The following TOP6BL variants were observed in gnomAD, a reference collection of about 807,000 sequenced individuals.
TOP6BL encodes the protein TOP6B like initiator of meiotic double strand breaks.
At chr11:66,791,116 G>C in the TOP6BL span, among the ~76,000 whole-genome samples, 1 of 152,184 alleles carries the variant, frequency 6.6e-6, no homozygotes, top group Non-Finnish European at 1.5e-5. Context: ...CTCAATTGAG[G>C]AGAAAGGTTA....
chr11:66,839,073 G>A, the TOP6BL span: 1 of 455,492 alleles, frequency 2.2e-6, no homozygotes, highest in East Asian at 7.0e-5. Flanking sequence ...GAAAGTGTCA[G>A]TGCGTGGGTT....
At chr11:66,782,173 A>G in the TOP6BL span, among the ~76,000 whole-genome samples, 2 of 152,126 alleles carry the variant, frequency 1.3e-5, no homozygotes, top group Non-Finnish European at 2.9e-5. Context: ...TCTAGAGCAC[A>G]CCTTCATCGA....
At chr11:66,788,404 G>C in the TOP6BL span, 5 of 653,148 alleles carry the variant, frequency 7.7e-6, no homozygotes, top group Admixed American at 1.4e-4. Context: ...TCCCAAACTT[G>C]CCTGTGCAGA....
the TOP6BL span, chr11:66,815,794 AGCT>A: frequency 2.9e-6 from 1 of 349,932 alleles, no homozygotes; most frequent in Non-Finnish European, 5.2e-6. Context: ...TATTGTGTAG[AGCT>A]TCTCAGTAAT....
At chr11:66,768,724 A>T in the TOP6BL span, among the ~76,000 whole-genome samples, 27 of 99,462 alleles carry the variant, frequency 2.7e-4, no homozygotes, top group South Asian at 2.6e-3. Flanking sequence ...TGTTACATTT[A>T]TCTAATTGCA....
the TOP6BL span, among the ~76,000 whole-genome samples, chr11:66,836,354 C>T: frequency 4.6e-5 from 7 of 151,740 alleles, no homozygotes; most frequent in East Asian, 2.0e-4. Flanking sequence ...GACTTACAGG[C>T]GCCCACTACC....
the TOP6BL span, chr11:66,801,263 C>T: frequency 1.5e-6 from 1 of 666,528 alleles, no homozygotes; most frequent in South Asian, 1.9e-5. Flanking sequence ...ATGTTGAAAA[C>T]TGCTATTTTA....
chr11:66,834,680 AT>A, the TOP6BL span, among the ~76,000 whole-genome samples: 1 of 152,058 alleles, frequency 6.6e-6, no homozygotes, highest in Non-Finnish European at 1.5e-5. Flanking sequence ...TTTTGTTTTT[AT>A]TTTTTTAGAA....
chr11:66,783,497 G>GT, the TOP6BL span, among the ~76,000 whole-genome samples: 21 of 151,986 alleles, frequency 1.4e-4, no homozygotes, highest in South Asian at 3.5e-3. Flanking sequence ...TAACTCATGG[G>GT]TTTTTTTTGC....
chr11:66,799,504 G>A, the TOP6BL span, among the ~76,000 whole-genome samples: 5 of 150,744 alleles, frequency 3.3e-5, no homozygotes, highest in African/African-American at 4.9e-5. Context: ...GGGTGGTCAG[G>A]AGTTCAAGAC....
At chr11:66,836,241 G>T in the TOP6BL span, among the ~76,000 whole-genome samples, 6 of 152,038 alleles carry the variant, frequency 3.9e-5, no homozygotes, top group African/African-American at 1.4e-4. Context: ...TGTTGAGACG[G>T]AGTCTCACTC....
chr11:66,748,508 G>A, the TOP6BL span: 8 of 1,538,702 alleles, frequency 5.2e-6, no homozygotes, highest in Non-Finnish European at 6.1e-6. Flanking sequence ...TCTTCATTGT[G>A]TAACAACTAG....
chr11:66,774,805 A>G, the TOP6BL span, among the ~76,000 whole-genome samples: 2 of 148,688 alleles, frequency 1.3e-5, no homozygotes, highest in East Asian at 2.1e-4. Context: ...ACTCTTGGCT[A>G]TGAGTTTTAT....
the TOP6BL span, among the ~76,000 whole-genome samples, chr11:66,805,783 A>G: frequency 6.6e-6 from 1 of 152,258 alleles, no homozygotes; most frequent in Admixed American, 6.5e-5. Context: ...GAGTAATGAA[A>G]GTGTTCTAAA....
the TOP6BL span, among the ~76,000 whole-genome samples, chr11:66,809,333 AGT>A: frequency 1.3e-5 from 2 of 152,246 alleles, no homozygotes; most frequent in African/African-American, 4.8e-5. Flanking sequence ...TTAGACTAAT[AGT>A]GTTAATGTCT....
the TOP6BL span, among the ~76,000 whole-genome samples, chr11:66,824,461 T>C: frequency 3.8e-5 from 5 of 130,856 alleles, no homozygotes; most frequent in Non-Finnish European, 6.6e-5. Context: ...TTATTATTAT[T>C]ATACTTTAAG....
the TOP6BL span, among the ~76,000 whole-genome samples, chr11:66,799,359 C>A: frequency 2.1e-5 from 3 of 146,112 alleles, no homozygotes; most frequent in African/African-American, 7.6e-5. Flanking sequence ...GCACTCCAGG[C>A]TGGGAGACAG....
the TOP6BL span, among the ~76,000 whole-genome samples, chr11:66,783,150 A>G: frequency 7.2e-5 from 11 of 152,202 alleles, no homozygotes. Flanking sequence ...TGGGCAACAT[A>G]GTGAGACCCT....
chr11:66,815,929 G>A, the TOP6BL span: 1 of 907,694 alleles, frequency 1.1e-6, no homozygotes, highest in East Asian at 2.7e-5. Flanking sequence ...GAGGGTAAAT[G>A]GGTGTTCAGA....
Sources: allele counts gnomAD v4.1 joint callset (sites outside exome capture counted in the v4.1 genomes callset), GRCh38; gene constraint gnomAD v4.1.1; transcripts MANE v1.5; gene names NCBI Gene and HGNC (gene_info 2026-07-23, HGNC 2026-07-21).